The following UTRN variants were observed in gnomAD, a reference collection of about 807,000 sequenced individuals.
The protein encoded by UTRN is utrophin.
Under a neutral mutation model 463.9 loss-of-function variants are expected in UTRN, and 283 were observed. That is an observed-to-expected ratio of 0.61 (90% CI 0.55 to 0.67). The LOEUF (loss-of-function observed/expected upper bound fraction) is 0.67, where lower values mean the gene tolerates loss of function less well. Among genes scored for constraint, UTRN ranks in the 30% least tolerant of loss-of-function variants. The pLI is 0.00. For missense variants in UTRN, 3,922 were observed against 4,084.3 expected, an observed-to-expected ratio of 0.96 and a Z score of 1.08; for synonymous variants, 1,442 against 1,431.5, an observed-to-expected ratio of 1.01 and a Z score of -0.17.
chr6:144,787,858 A>G (rs1289405882), intron 61 of UTRN, among the ~76,000 whole-genome samples: 1 of 152,176 alleles, frequency 6.6e-6, no homozygotes, highest in African/African-American at 2.4e-5. Context: ...ATATAAGAAA[A>G]TGGACAATAA....
chr6:144,773,190 A>T (rs1233619472), intron 59 of UTRN, among the ~76,000 whole-genome samples: 1 of 152,150 alleles, frequency 6.6e-6, no homozygotes, highest in Non-Finnish European at 1.5e-5. Flanking sequence ...TGGTTGTAGG[A>T]TCATTTGAAC....
chr6:144,363,905 G>A (rs1283064468), intron 2 of UTRN, among the ~76,000 whole-genome samples: 1 of 152,232 alleles, frequency 6.6e-6, no homozygotes, highest in Non-Finnish European at 1.5e-5. Flanking sequence ...TAGCCCTGTA[G>A]CATATAGATG....
At chr6:144,295,729 C>T (rs774506841) in intron 2 of UTRN, among the ~76,000 whole-genome samples, 4 of 152,296 alleles carry the variant, frequency 2.6e-5, no homozygotes, top group South Asian at 4.1e-4. Flanking sequence ...CTGATGATGA[C>T]GATTCTAGCA....
chr6:144,537,388 C>T (rs1304674530), intron 43 of UTRN, among the ~76,000 whole-genome samples, 194 bp from the exon 44 acceptor site: 1 of 151,772 alleles, frequency 6.6e-6, no homozygotes, highest in African/African-American at 2.4e-5. Flanking sequence ...AGGAAAAAAG[C>T]TTCTTGGTCT....
chr6:144,643,636 A>C (rs1032105505), intron 51 of UTRN, among the ~76,000 whole-genome samples: 2 of 152,030 alleles, frequency 1.3e-5, no homozygotes, highest in African/African-American at 4.8e-5. Flanking sequence ...ATCTCTACTA[A>C]AAATACAAAA....
intron 13 of UTRN, among the ~76,000 whole-genome samples, chr6:144,443,351 A>G (rs2114908447): frequency 6.6e-6 from 1 of 152,332 alleles, no homozygotes; most frequent in African/African-American, 2.4e-5. Flanking sequence ...ACTATTTAGC[A>G]GTAAGGAATC....
At chr6:144,724,474 G>A (rs560882723) in intron 53 of UTRN, among the ~76,000 whole-genome samples, 5 of 151,818 alleles carry the variant, frequency 3.3e-5, no homozygotes, top group South Asian at 2.1e-4. Context: ...TGATCCTCCC[G>A]CCTCAGCCTC....
At chr6:144,709,975 C>T (rs1275857506) in intron 53 of UTRN, among the ~76,000 whole-genome samples, 1 of 152,168 alleles carries the variant, frequency 6.6e-6, no homozygotes, top group African/African-American at 2.4e-5. Context: ...CACCTATCCA[C>T]ACTATTCACC....
At position 144,363,536 on chromosome 6, in the gene UTRN, T is replaced by C. The variant is rs114521258; in HGVS notation, c.80-39587T>C. 2.3e-3 allele frequency among the ~76,000 whole-genome samples: 351 copies of C among 152,338 alleles called. 1 individual carries two copies. The highest frequency in any genetic ancestry group is 8.3e-3 in the African/African-American group (346 of 41,568). The stretch of plus-strand genomic sequence containing the variant: ...TCCCAACTCAGTTGGTAGGAATTTG[T>C]GCAGTAGCAAACCTGCAGATGGGCA... On this transcript the variant is annotated intron_variant, in intron 2 of 74. Transcript: ENST00000367545.
At chr6:144,356,584 G>T (rs1298093864) in intron 2 of UTRN, among the ~76,000 whole-genome samples, 1 of 152,198 alleles carries the variant, frequency 6.6e-6, no homozygotes, top group African/African-American at 2.4e-5. Flanking sequence ...ACGTTTAGGT[G>T]GGTGGATCAC....
At chr6:144,850,628 A>AC in intron 74 of UTRN, among the ~76,000 whole-genome samples, 1 of 152,022 alleles carries the variant, frequency 6.6e-6, no homozygotes, top group East Asian at 1.9e-4. Context: ...TTGTTAGGGT[A>AC]CCCCCTCTAC....
chr6:144,491,081 G>A lies in UTRN; in HGVS notation c.4416G>A (p.Gln1472=), dbSNP rs780608030. 17 of 1,606,634 alleles carry A rather than the reference G, an allele frequency of 1.1e-5. No homozygotes were observed. Among genetic ancestry groups the A allele is most frequent in the South Asian group, 2.2e-5 (2 of 89,604 alleles). The change falls in exon 32 of 75, where the codon CAG becomes CAA. Residue 1472 remains glutamine (Q), a synonymous_variant. Transcript: ENST00000367545. ...DVKDVDPDVI[Q]THLDKCMKLY... ...AGGACGTAGACCCTGACGTCATACA[G>A]ACGCACCTGGACAAGTGTATGGTGA... is the stretch of plus-strand genomic sequence containing the variant.
chr6:144,387,481 T>C (rs1781517886), intron 2 of UTRN, among the ~76,000 whole-genome samples: 1 of 152,182 alleles, frequency 6.6e-6, no homozygotes. Flanking sequence ...TTAAAATACT[T>C]GAATTTATTG....
intron 9 of UTRN, 58 bp downstream of exon 9, chr6:144,429,799 C>T (rs1785633639): frequency 5.1e-6 from 8 of 1,559,866 alleles, no homozygotes; most frequent in Non-Finnish European, 6.9e-6. Flanking sequence ...CTCCTAGGTA[C>T]TAGATAAAAA....
chr6:144,482,641 G>A (rs1358407715), intron 27 of UTRN, among the ~76,000 whole-genome samples: 2 of 152,100 alleles, frequency 1.3e-5, no homozygotes. Flanking sequence ...TCTTGGGCAA[G>A]TCATTTTGTA....
chr6:144,433,792 G>C (rs1474987821), intron 9 of UTRN, among the ~76,000 whole-genome samples: 1 of 151,628 alleles, frequency 6.6e-6, no homozygotes, highest in Non-Finnish European at 1.5e-5. Context: ...GATGGCGGCC[G>C]GGAAGAGGTG....
intron 50 of UTRN, among the ~76,000 whole-genome samples, chr6:144,557,661 G>A (rs1434553685): frequency 6.6e-6 from 1 of 151,984 alleles, no homozygotes; most frequent in Non-Finnish European, 1.5e-5. Context: ...AGATGCATCA[G>A]GGTAATGGTA....
At chr6:144,693,190 T>C (rs895102361) in intron 52 of UTRN, among the ~76,000 whole-genome samples, 1 of 152,170 alleles carries the variant, frequency 6.6e-6, no homozygotes, top group Non-Finnish European at 1.5e-5. Context: ...TTGTCAAAGA[T>C]CATATAGTTG....
At chr6:144,601,047 A>G (rs1400130038) in intron 51 of UTRN, among the ~76,000 whole-genome samples, 1 of 152,208 alleles carries the variant, frequency 6.6e-6, no homozygotes, top group East Asian at 1.9e-4. Flanking sequence ...TGAATATTTT[A>G]AGCTCAATGT....
Sources: gnomAD v4.1 joint callset for allele counts (sites outside exome capture counted in the v4.1 genomes callset) on GRCh38, gnomAD v4.1.1 for gene constraint, MANE v1.5 for transcripts, NCBI Gene and HGNC (gene_info 2026-07-23, HGNC 2026-07-21) for gene names.